The following SAMD5 variants were observed in gnomAD, a reference collection of about 807,000 sequenced individuals.
SAMD5 encodes the protein sterile alpha motif domain-containing protein 5.
SAMD5 carries 13 observed loss-of-function variants against 11.3 expected under a neutral mutation model. That is an observed-to-expected ratio of 1.15 (90% CI 0.75 to 1.83). The LOEUF (loss-of-function observed/expected upper bound fraction) is 1.83, where lower values mean the gene tolerates loss of function less well. Among genes scored for constraint, SAMD5 ranks in the 40% most tolerant of loss-of-function variants. The pLI, the probability that SAMD5 is intolerant of heterozygous loss-of-function variation, is 0.00. For missense variants in SAMD5, 255 were observed against 239.1 expected (o/e 1.07, Z -0.44); for synonymous variants, 129 against 111.3 (o/e 1.16, Z -1.00).
At chr6:147,769,215 C>A in the SAMD5 span, among the ~76,000 whole-genome samples, 2 of 152,160 alleles carry the variant, frequency 1.3e-5, no homozygotes, top group Non-Finnish European at 2.9e-5. Flanking sequence ...GTGCCTAGTA[C>A]GTATTAGCCA....
chr6:147,688,866 T>C (rs1791058571), intron 1 of SAMD5, among the ~76,000 whole-genome samples: 1 of 152,182 alleles, frequency 6.6e-6, no homozygotes, highest in African/African-American at 2.4e-5. Flanking sequence ...TCACCAAAGG[T>C]CAAAATCCTG....
chr6:147,840,508 C>T, the SAMD5 span, among the ~76,000 whole-genome samples: 1 of 152,284 alleles, frequency 6.6e-6, no homozygotes, highest in South Asian at 2.1e-4. Context: ...GGAGAAAGGG[C>T]ACCTGCTCTC....
At chr6:147,648,520 C>T (rs1311154969) in intron 1 of SAMD5, among the ~76,000 whole-genome samples, 1 of 152,208 alleles carries the variant, frequency 6.6e-6, no homozygotes, top group Non-Finnish European at 1.5e-5. Flanking sequence ...TAAAGGAGCT[C>T]AAAGCCTCTG....
chr6:147,728,797 A>G (rs1358896097), intron 1 of SAMD5, among the ~76,000 whole-genome samples: 3 of 152,262 alleles, frequency 2.0e-5, no homozygotes, highest in African/African-American at 7.2e-5. Flanking sequence ...AAAGGATTGT[A>G]GCAAAAGTTC....
At chr6:147,926,633 A>T in the SAMD5 span, among the ~76,000 whole-genome samples, 11 of 151,962 alleles carry the variant, frequency 7.2e-5, no homozygotes, top group Admixed American at 4.6e-4. Context: ...TTGTCTGTTT[A>T]TTCTGTTGAT....
chr6:147,693,536 A>T (rs1003468470), intron 1 of SAMD5, among the ~76,000 whole-genome samples: 1 of 152,254 alleles, frequency 6.6e-6, no homozygotes, highest in Admixed American at 6.5e-5. Context: ...ATAAATAATA[A>T]TCTATTTATA....
chr6:147,675,408 C>T (rs1291225372), intron 1 of SAMD5, among the ~76,000 whole-genome samples: 3 of 152,166 alleles, frequency 2.0e-5, no homozygotes, highest in Admixed American at 6.5e-5. Context: ...CAAGTGAATA[C>T]CTCATATACA....
the SAMD5 span, among the ~76,000 whole-genome samples, chr6:147,750,771 A>G: frequency 8.4e-4 from 128 of 152,318 alleles, no homozygotes; most frequent in Non-Finnish European, 1.5e-3. Context: ...AACATACAAA[A>G]TTTAGCCAGG....
the SAMD5 span, among the ~76,000 whole-genome samples, chr6:147,764,307 G>C: frequency 8.5e-5 from 13 of 152,068 alleles, no homozygotes; most frequent in Non-Finnish European, 1.5e-5. Flanking sequence ...CCAGGGATGG[G>C]TCTGCTCTTA....
At chr6:147,611,673 C>T (rs1789788719) in intron 1 of SAMD5, among the ~76,000 whole-genome samples, 1 of 152,188 alleles carries the variant, frequency 6.6e-6, no homozygotes, top group South Asian at 2.1e-4. Context: ...GCACATTGAA[C>T]TCCTCTGAAG....
chr6:147,520,762 A>G (rs954838304), intron 1 of SAMD5, among the ~76,000 whole-genome samples: 10 of 152,260 alleles, frequency 6.6e-5, no homozygotes, highest in African/African-American at 2.4e-4. Flanking sequence ...TAAAAAGTGT[A>G]TATATTTTTG....
At chr6:147,883,783 G>A in the SAMD5 span, among the ~76,000 whole-genome samples, 1 of 152,160 alleles carries the variant, frequency 6.6e-6, no homozygotes, top group Non-Finnish European at 1.5e-5. Flanking sequence ...AGGTTTTGAT[G>A]TTCTAATATC....
chr6:147,781,366 C>T, the SAMD5 span, among the ~76,000 whole-genome samples: 1 of 152,050 alleles, frequency 6.6e-6, no homozygotes. Flanking sequence ...TATATGTTTT[C>T]CAGGTTGGTG....
chr6:147,786,875 A>G, the SAMD5 span, among the ~76,000 whole-genome samples: 1 of 152,222 alleles, frequency 6.6e-6, no homozygotes, highest in African/African-American at 2.4e-5. Context: ...GTTTAACTAC[A>G]AGGCATGACC....
intron 1 of SAMD5, among the ~76,000 whole-genome samples, chr6:147,605,398 A>G (rs1583103631): frequency 6.6e-6 from 1 of 152,230 alleles, no homozygotes; most frequent in African/African-American, 2.4e-5. Flanking sequence ...TATAAGTATG[A>G]ACCTCCATAC....
intron 1 of SAMD5, among the ~76,000 whole-genome samples, chr6:147,597,018 A>AAGTCC (rs1789541333): frequency 6.6e-6 from 1 of 152,156 alleles, no homozygotes; most frequent in African/African-American, 2.4e-5. Context: ...GTTCTGGGTT[A>AAGTCC]TGGTGGGAAT....
intron 1 of SAMD5, among the ~76,000 whole-genome samples, chr6:147,586,673 T>C (rs1789379511): frequency 6.6e-6 from 1 of 151,596 alleles, no homozygotes; most frequent in African/African-American, 2.4e-5. Flanking sequence ...TAATAATTTA[T>C]ATTTTAAATA....
chr6:147,883,237 G>A, the SAMD5 span, among the ~76,000 whole-genome samples: 1 of 152,034 alleles, frequency 6.6e-6, no homozygotes, highest in African/African-American at 2.4e-5. Context: ...AGACACAAGG[G>A]GCATTTTGTT....
At chr6:147,723,208 A>G (rs747081457) in intron 1 of SAMD5, among the ~76,000 whole-genome samples, 50 of 152,046 alleles carry the variant, frequency 3.3e-4, no homozygotes, top group Admixed American at 6.6e-4. Flanking sequence ...CTTTCTCACC[A>G]TTTCTGTTCC....
Sources: allele counts gnomAD v4.1 joint callset (sites outside exome capture counted in the v4.1 genomes callset), GRCh38; gene constraint gnomAD v4.1.1; transcripts MANE v1.5; gene names NCBI Gene and HGNC (gene_info 2026-07-23, HGNC 2026-07-21).